Variants in NHSL1 observed in about 807,000 individuals in gnomAD.
NHSL1 encodes the protein NHS like 1, also known as NHS-like protein 1.
NHSL1 carries 48 observed loss-of-function variants against 95.0 expected under a neutral mutation model. That is an observed-to-expected ratio of 0.51 (90% CI 0.40 to 0.64). NHSL1 has a LOEUF of 0.64. Ranked by LOEUF, NHSL1 falls within the 30% of genes least tolerant of loss-of-function variation. The pLI is 0.00. For synonymous variants in NHSL1, 783 were observed against 833.9 expected (o/e 0.94, Z 1.05); for missense variants, 1,971 against 2,077.7 (o/e 0.95, Z 1.00).
At chr6:138,545,946 GC>G, upstream of NHSL1, 1 of 491,872 alleles carries the variant, frequency 2.0e-6, no homozygotes, top group Non-Finnish European at 2.6e-6. Context: ...CCAAGGGCGA[GC>G]CCATTTGTTT....
At chr6:138,517,584 T>TTA (rs1781508155) in intron 1 of NHSL1, among the ~76,000 whole-genome samples, 1 of 152,216 alleles carries the variant, frequency 6.6e-6, no homozygotes, top group Non-Finnish European at 1.5e-5. Flanking sequence ...AAGCAATGTC[T>TTA]GAGCACTTAG....
At chr6:138,463,053 C>A (rs1237992518) in intron 3 of NHSL1, among the ~76,000 whole-genome samples, 1 of 152,174 alleles carries the variant, frequency 6.6e-6, no homozygotes, top group African/African-American at 2.4e-5. Flanking sequence ...GAGTTATCCT[C>A]AACTCTTCTT....
chr6:138,613,887 T>A (rs943383826), intron 1 of NHSL1, among the ~76,000 whole-genome samples: 1 of 152,170 alleles, frequency 6.6e-6, no homozygotes, highest in South Asian at 2.1e-4. Flanking sequence ...TCTGCAAATT[T>A]CCATGATTCC....
In NHSL1 at chr6:138,558,200, G is replaced by T. The variant is rs1424412590; in HGVS notation, c.202+13510C>A. On this transcript the variant is annotated intron_variant, in intron 1 of 6. Coordinates refer to the NHSL1 transcript ENST00000427025. ...TGCAGTGGTGCGGACTCGGCTGACT[G>T]CAACCTCCGCCTCCTGGATTCAAGC... 3.3e-5 allele frequency among the ~76,000 whole-genome samples: 5 copies of T among 152,002 alleles called. No homozygotes were observed. In the East Asian group the frequency reaches 7.7e-4, roughly 24 times the overall value.
At chr6:138,520,285 T>C (rs897013918) in intron 1 of NHSL1, among the ~76,000 whole-genome samples, 13 of 127,318 alleles carry the variant, frequency 1.0e-4, no homozygotes, top group African/African-American at 2.8e-4. Flanking sequence ...TAATTCTTTT[T>C]TTTTTTTTTT....
chr6:138,627,890 AT>A (rs1214773241), intron 1 of NHSL1, among the ~76,000 whole-genome samples: 1 of 152,152 alleles, frequency 6.6e-6, no homozygotes, highest in Non-Finnish European at 1.5e-5. Context: ...AAAAATAAAA[AT>A]AAAAAAAATT....
At chr6:138,528,720 T>C (rs1782012930) in intron 1 of NHSL1, among the ~76,000 whole-genome samples, 2 of 152,210 alleles carry the variant, frequency 1.3e-5, no homozygotes, top group South Asian at 4.1e-4. Context: ...TTCACCACAT[T>C]GGCAAAACAC....
chr6:138,490,329 C>G (rs1477037966), intron 2 of NHSL1, among the ~76,000 whole-genome samples: 1 of 152,082 alleles, frequency 6.6e-6, no homozygotes. Flanking sequence ...CTACACAGTT[C>G]TGGGAAAGTG....
chr6:138,587,503 C>CAAAA (rs35723995), intron 1 of NHSL1, among the ~76,000 whole-genome samples: 1 of 59,878 alleles, frequency 1.7e-5, no homozygotes, highest in Non-Finnish European at 3.8e-5. Context: ...AAAACTCTGT[C>CAAAA]AAAAAAAAAA....
chr6:138,457,376 C>T (rs906007966), intron 3 of NHSL1, among the ~76,000 whole-genome samples: 11 of 151,938 alleles, frequency 7.2e-5, no homozygotes, highest in African/African-American at 2.4e-4. Context: ...CATAACATAA[C>T]ACATAGAGTC....
intron 2 of NHSL1, among the ~76,000 whole-genome samples, chr6:138,483,851 T>C (rs1229262030): frequency 6.6e-6 from 1 of 152,210 alleles, no homozygotes; most frequent in Non-Finnish European, 1.5e-5. Context: ...GAATGATCTG[T>C]ATTTGTTGGA....
chr6:138,633,946 CAT>C (rs1784855519), intron 1 of NHSL1, among the ~76,000 whole-genome samples: 1 of 152,078 alleles, frequency 6.6e-6, no homozygotes, highest in Admixed American at 6.5e-5. Context: ...AAAGTTAAGA[CAT>C]AGAGTTTTTA....
chr6:138,504,707 T>A lies in NHSL1; in HGVS notation c.17-8336A>T, dbSNP rs994966720. Among the ~76,000 whole-genome samples, 15 of 152,296 alleles carry A rather than the reference T, an allele frequency of 9.8e-5. No individual in the cohort carries two copies. In the East Asian group the frequency reaches 2.9e-3, roughly 29 times the overall value. ...ATCAGAGGGGAACCTGTAGGGCCAG[T>A]GCTGCATTTTAACTAGAACTCTGGT... On this transcript the variant is annotated intron_variant, in intron 1 of 4. Coordinates refer to the NHSL1 transcript ENST00000342260.
At chr6:138,675,068 A>G (rs933994623) in intron 1 of NHSL1, among the ~76,000 whole-genome samples, 7 of 150,740 alleles carry the variant, frequency 4.6e-5, no homozygotes, top group African/African-American at 1.5e-4. Context: ...AAAATCCCCC[A>G]GGAAAAAATT....
intron 1 of NHSL1, among the ~76,000 whole-genome samples, chr6:138,541,048 T>C (rs560424015): frequency 2.0e-5 from 3 of 152,290 alleles, no homozygotes; most frequent in South Asian, 4.1e-4. Context: ...CACAGAAGGA[T>C]ATATGTATGC....
At chr6:138,565,937 T>G (rs1222232751) in intron 1 of NHSL1, among the ~76,000 whole-genome samples, 1 of 133,052 alleles carries the variant, frequency 7.5e-6, no homozygotes, top group Non-Finnish European at 1.5e-5. Flanking sequence ...AGCAAGACCC[T>G]GTTTCTAAAA....
chr6:138,616,114 C>A (rs1784575198), intron 1 of NHSL1, among the ~76,000 whole-genome samples: 1 of 152,198 alleles, frequency 6.6e-6, no homozygotes, highest in South Asian at 2.1e-4. Flanking sequence ...AATAATAAAT[C>A]TATTCTGATT....
At chr6:138,438,385 G>A (rs922847554) in intron 5 of NHSL1, among the ~76,000 whole-genome samples, 6 of 152,090 alleles carry the variant, frequency 3.9e-5, no homozygotes, top group Non-Finnish European at 5.9e-5. Context: ...TGCAAACTTA[G>A]TAGACCACAG....
intron 1 of NHSL1, among the ~76,000 whole-genome samples, chr6:138,522,155 GTGA>G (rs1370247446): frequency 3.3e-5 from 5 of 152,334 alleles, no homozygotes; most frequent in African/African-American, 1.2e-4. Flanking sequence ...TGAAGAGGAG[GTGA>G]GAAAGCAGAT....
Sources: allele counts gnomAD v4.1 joint callset (sites outside exome capture counted in the v4.1 genomes callset), GRCh38; gene constraint gnomAD v4.1.1; transcripts MANE v1.5; gene names NCBI Gene and HGNC (gene_info 2026-07-23, HGNC 2026-07-21).